MYH15: variants seen among roughly 807,000 people sequenced by gnomAD.
The protein encoded by MYH15 is myosin heavy chain 15.
MYH15 carries 227 observed loss-of-function variants against 240.5 expected under a neutral mutation model. The observed-to-expected ratio is 0.94, with a 90% confidence interval of 0.85 to 1.05. The LOEUF (loss-of-function observed/expected upper bound fraction) is 1.05. MYH15 is among the 50% of genes least tolerant of loss of function. The probability of loss-of-function intolerance (pLI) is 0.00; values close to 1 mark genes in which losing one functional copy is unlikely to be tolerated. For synonymous variants in MYH15, 785 were observed against 796.7 expected (o/e 0.99, Z 0.25); for missense variants, 2,217 against 2,247.5 (o/e 0.99, Z 0.27).
intron 28 of MYH15, among the ~76,000 whole-genome samples, chr3:108,418,924 T>A (rs2082659065): frequency 6.6e-6 from 1 of 152,206 alleles, no homozygotes; most frequent in Non-Finnish European, 1.5e-5. Context: ...CTAATTTTTG[T>A]ATTTTTCTGG....
At chr3:108,491,007 TC>T (rs1230395819) in intron 9 of MYH15, among the ~76,000 whole-genome samples, 1 of 151,904 alleles carries the variant, frequency 6.6e-6, no homozygotes, top group East Asian at 1.9e-4. Context: ...CCTGCCTCAG[TC>T]TCCTGAGTAG....
At chr3:108,519,025 C>T (rs2083596660) in intron 1 of MYH15, among the ~76,000 whole-genome samples, 2 of 152,158 alleles carry the variant, frequency 1.3e-5, no homozygotes, top group South Asian at 4.1e-4. Context: ...AGAGCAGACC[C>T]ATCAGTCTGA....
intron 21 of MYH15, among the ~76,000 whole-genome samples, chr3:108,450,317 A>G (rs2082961961): frequency 6.6e-6 from 1 of 152,212 alleles, no homozygotes; most frequent in African/African-American, 2.4e-5. Context: ...TCATTGACAA[A>G]TAAATAAAGA....
chr3:108,471,848 A>G (rs2083180583), intron 12 of MYH15, among the ~76,000 whole-genome samples: 1 of 152,232 alleles, frequency 6.6e-6, no homozygotes, highest in Non-Finnish European at 1.5e-5. Flanking sequence ...TTTGAAAAGT[A>G]GTGGTATAGT....
chr3:108,508,168 A>G (rs1318972890), intron 1 of MYH15, among the ~76,000 whole-genome samples: 1 of 152,148 alleles, frequency 6.6e-6, no homozygotes, highest in Non-Finnish European at 1.5e-5. Context: ...ACACATTCTT[A>G]GCTTTTTCTC....
chr3:108,396,049 A>G lies in MYH15; in HGVS notation c.5134-1893T>C, dbSNP rs182709961. Among the ~76,000 whole-genome samples the G allele has an allele frequency of 3.3e-3, 503 of 152,170 alleles. 3 individuals are homozygous for G. The highest frequency in any genetic ancestry group is 0.012 in the African/African-American group (480 of 41,516). On this transcript the variant is annotated intron_variant, in intron 35 of 40. Coordinates refer to ENST00000693548, the MANE Select transcript of MYH15 (RefSeq NM_014981.3). ...GAGAATTTACATTTTTGTGTTAGGG[A>G]TTCTTATATGTACACATCAAGTTTC... is the stretch of plus-strand genomic sequence containing the variant.
intron 25 of MYH15, among the ~76,000 whole-genome samples, chr3:108,433,677 C>A (rs2082800706): frequency 6.6e-6 from 1 of 152,078 alleles, no homozygotes; most frequent in Non-Finnish European, 1.5e-5. Context: ...AAGGAGGAGT[C>A]CCCCTGCACA....
chr3:108,457,775 T>C (rs1227302758), intron 18 of MYH15, among the ~76,000 whole-genome samples: 1 of 152,252 alleles, frequency 6.6e-6, no homozygotes, highest in African/African-American at 2.4e-5. Flanking sequence ...GGCTCATGCC[T>C]GTAATCACGG....
Position 108,521,517 on chromosome 3 carries a change from G to T in MYH15, c.-58+7746C>A, listed in dbSNP as rs1359802106. On this transcript the variant is annotated intron_variant, in intron 1 of 41. Coordinates refer to the MYH15 transcript ENST00000273353. ...ACCAATTTATTAACCATTTCCCACT[G>T]AGCAATAAAAGAATAGAGAGACACC... is the stretch of plus-strand genomic sequence containing the variant. 3.9e-5 allele frequency among the ~76,000 whole-genome samples: 6 copies of T among 152,060 alleles called. No individual in the cohort carries two copies. In the East Asian group the frequency reaches 1.2e-3, roughly 29 times the overall value.
At chr3:108,431,887 C>A (rs916427569) in intron 25 of MYH15, among the ~76,000 whole-genome samples, 1 of 152,124 alleles carries the variant, frequency 6.6e-6, no homozygotes, top group African/African-American at 2.4e-5. Flanking sequence ...GGAACCAGAG[C>A]AAAGGTGACT....
Position 108,485,238 on chromosome 3 carries a change from A to G in MYH15, c.976-9T>C. 9 of 1,613,734 alleles carry G rather than the reference A, an allele frequency of 5.6e-6. No homozygotes were observed. The highest frequency in any genetic ancestry group is 7.6e-6 in the Non-Finnish European group (9 of 1,179,842). On this transcript the variant is annotated splice_polypyrimidine_tract_variant and intron_variant, in intron 10 of 40. Coordinates refer to ENST00000693548, the MANE Select transcript of MYH15 (RefSeq NM_014981.3). Reference sequence around the variant, plus strand: ...AAGATGTCCATGGCTTGCTGTAAAAAGAGAAACAGATGGCCCTGTCTTCAT... The same window carrying G: ...AAGATGTCCATGGCTTGCTGTAAAAGGAGAAACAGATGGCCCTGTCTTCAT...
chr3:108,508,239 A>T (rs2083493502), intron 1 of MYH15, among the ~76,000 whole-genome samples: 1 of 152,136 alleles, frequency 6.6e-6, no homozygotes, highest in South Asian at 2.1e-4. Context: ...TCTCTCTCTT[A>T]CCACCCCTGG....
intron 12 of MYH15, 68 bp from the exon 13 acceptor site, chr3:108,470,915 A>C: frequency 6.6e-7 from 1 of 1,512,430 alleles, no homozygotes. Context: ...GGCATTCTCT[A>C]TCAGCAACTG....
In MYH15 at chr3:108,381,424, A is replaced by G; in HGVS notation, c.*121T>C. 1.8e-6 allele frequency: 2 copies of G among 1,108,664 alleles called. No homozygotes were observed. 68.7% of individuals were successfully genotyped at this position (1,108,664 alleles called of 1,614,324 possible). A position where few individuals can be genotyped will look rare whatever the true frequency, so the allele number is the denominator to read the frequency against. The stretch of plus-strand genomic sequence containing the variant: ...TTATTTTTCTAATTGCCTTGTTTAT[A>G]TGGTGTGAAAAGCAATTTAAACATG... On this transcript the variant is annotated 3_prime_UTR_variant, in exon 41 of 41. Coordinates refer to ENST00000693548, the MANE Select transcript of MYH15 (RefSeq NM_014981.3).
chr3:108,506,455 G>A (rs1386592749), intron 1 of MYH15, among the ~76,000 whole-genome samples: 1 of 152,070 alleles, frequency 6.6e-6, no homozygotes, highest in East Asian at 1.9e-4. Context: ...CCATCCCTAA[G>A]CAAAGTAGCC....
chr3:108,540,708 T>C, the MYH15 span, among the ~76,000 whole-genome samples: 3 of 152,154 alleles, frequency 2.0e-5, no homozygotes, highest in Admixed American at 6.5e-5. Flanking sequence ...TTGTGCTTAA[T>C]GGGAAAACAC....
chr3:108,493,166 G>GATGA lies in MYH15; in HGVS notation c.719_722dup (p.Arg242HisfsTer17), dbSNP rs778186812. ...TGCCTCTGGCACCAAAGTGCATCCT[G>GATGA]ATGAATTTGCCCTAGTGTGGACACA... On this transcript the variant is annotated frameshift_variant, in exon 8 of 41. Transcript: ENST00000693548. LOFTEE classifies it high-confidence loss of function. The GATGA allele has an allele frequency of 1.2e-6, 2 of 1,613,978 alleles. No homozygotes were observed. Among genetic ancestry groups the GATGA allele is most frequent in the Non-Finnish European group, 1.7e-6 (2 of 1,179,964 alleles).
At position 108,446,661 on chromosome 3, in the gene MYH15, A is replaced by G. The variant is rs527256885; in HGVS notation, c.2400-1766T>C. ...AAGAAATTACAGGCTTCTGAAACAA[A>G]TGCACAAACAAACTGGACACCTGGA... On this transcript the variant is annotated intron_variant, in intron 21 of 40. Coordinates refer to ENST00000693548, the MANE Select transcript of MYH15 (RefSeq NM_014981.3). Among the ~76,000 whole-genome samples the G allele has an allele frequency of 2.0e-5, 3 of 152,352 alleles. No individual in the cohort carries two copies. In the East Asian group the frequency reaches 5.8e-4, roughly 29 times the overall value.
intron 38 of MYH15, 95 bp downstream of exon 38, chr3:108,388,875 G>T (rs1012885511): frequency 4.1e-6 from 4 of 965,144 alleles, no homozygotes; most frequent in East Asian, 2.5e-5. Context: ...AAGAGAGAAC[G>T]GCAGGAGTCC....
Sources: allele counts gnomAD v4.1 joint callset (sites outside exome capture counted in the v4.1 genomes callset), GRCh38; gene constraint gnomAD v4.1.1; transcripts MANE v1.5; gene names NCBI Gene and HGNC (gene_info 2026-07-23, HGNC 2026-07-21).